The following TRPM1 variants were observed in gnomAD, a reference collection of about 807,000 sequenced individuals.
TRPM1 encodes transient receptor potential cation channel subfamily M member 1, also known as TRPM1-203 APA Isoform, Intron 10.
In TRPM1, 113 loss-of-function variants were observed where a neutral mutation model predicts 149.4. The ratio of observed to expected loss-of-function variants is 0.76; its 90% CI spans 0.65 to 0.88. The LOEUF (loss-of-function observed/expected upper bound fraction) is 0.88. Ranked by LOEUF, TRPM1 falls within the 40% of genes least tolerant of loss-of-function variation. The pLI is 0.00. For missense variants in TRPM1, 1,976 were observed against 2,038.7 expected (o/e 0.97, Z 0.59); for synonymous variants, 741 against 759.5 (o/e 0.98, Z 0.40).
intron 1 of TRPM1, among the ~76,000 whole-genome samples, chr15:31,147,481 G>A (rs950890637): frequency 2.0e-5 from 3 of 152,224 alleles, no homozygotes; most frequent in Admixed American, 6.5e-5. Flanking sequence ...CAAGTGCAAC[G>A]TCATCACACT....
intron 16 of TRPM1, among the ~76,000 whole-genome samples, chr15:31,043,349 C>G (rs368819118): frequency 2.6e-5 from 4 of 152,142 alleles, no homozygotes; most frequent in African/African-American, 7.2e-5. Flanking sequence ...CCCGCCACCA[C>G]GCCCGGCTAA....
chr15:31,078,243 T>A (rs55821493), intron 2 of TRPM1, among the ~76,000 whole-genome samples: 1 of 151,726 alleles, frequency 6.6e-6, no homozygotes, highest in Non-Finnish European at 1.5e-5. Flanking sequence ...CTCTGGGAGG[T>A]CCCTTGTCTC....
chr15:31,101,165 C>A (rs1254682857), intron 1 of TRPM1, among the ~76,000 whole-genome samples: 1 of 152,170 alleles, frequency 6.6e-6, no homozygotes, highest in Admixed American at 6.5e-5. Context: ...GAAGGTGCAC[C>A]TTTTCCCTGA....
chr15:31,032,619 C>A, intron 22 of TRPM1, 70 bp downstream of exon 22: 1 of 1,593,252 alleles, frequency 6.3e-7, no homozygotes, highest in East Asian at 2.2e-5. Context: ...GAAGCCATGC[C>A]CAAGGCCTGT....
chr15:31,090,190 A>G (rs1482802605), intron 1 of TRPM1, among the ~76,000 whole-genome samples: 1 of 152,162 alleles, frequency 6.6e-6, no homozygotes, highest in Non-Finnish European at 1.5e-5. Flanking sequence ...AGGACTTTTT[A>G]AAAGGAAACT....
intron 1 of TRPM1, among the ~76,000 whole-genome samples, chr15:31,130,433 G>A (rs1380723112): frequency 6.6e-6 from 1 of 152,170 alleles, no homozygotes; most frequent in Non-Finnish European, 1.5e-5. Context: ...TTGAAACAAA[G>A]ATGATAACAG....
At chr15:31,059,477 C>T (rs1262122134) in intron 11 of TRPM1, among the ~76,000 whole-genome samples, 2 of 152,330 alleles carry the variant, frequency 1.3e-5, no homozygotes, top group Non-Finnish European at 2.9e-5. Context: ...GCAGTCACAG[C>T]TAACTGTAAC....
chr15:31,062,270 G>A (rs1388601089), intron 9 of TRPM1, among the ~76,000 whole-genome samples: 1 of 152,212 alleles, frequency 6.6e-6, no homozygotes, highest in Admixed American at 6.5e-5. Context: ...AAACATGCCT[G>A]ACAGGGTGGT....
intron 1 of TRPM1, among the ~76,000 whole-genome samples, chr15:31,111,721 A>G (rs1212699412): frequency 6.6e-6 from 1 of 152,192 alleles, no homozygotes; most frequent in Non-Finnish European, 1.5e-5. Flanking sequence ...CCTGGCGCCC[A>G]GGGCGTTATT....
At position 31,066,137 on chromosome 15, in the gene TRPM1, G is replaced by T. The variant is rs188427342; in HGVS notation, c.729C>A (p.Gly243=). 6.2e-7 allele frequency: 1 copy of T among 1,614,186 alleles called. No individual in the cohort carries two copies. Among genetic ancestry groups the T allele is most frequent in the Non-Finnish European group, 8.5e-7 (1 of 1,180,038 alleles). ...LADNGTLGKY[G]AEVKLRRLLE... ...GCAGCCTTCGCAGCTTCACCTCGGC[G>T]CCATACTTGCCCAGGGTGCCATTGT... The change falls in exon 7 of 28, where the codon GGC becomes GGA. Residue 243 remains glycine, a synonymous_variant. Coordinates refer to ENST00000256552, the MANE Select transcript of TRPM1 (RefSeq NM_001252024.2).
At position 31,035,678 on chromosome 15, in the gene TRPM1, A is replaced by G; in HGVS notation, c.2572-4T>C. The G allele has an allele frequency of 6.2e-7, 1 of 1,614,180 alleles. No individual in the cohort carries two copies. The highest frequency in any genetic ancestry group is 2.2e-5 in the East Asian group (1 of 44,878). On this transcript the variant is annotated splice_region_variant and splice_polypyrimidine_tract_variant and intron_variant, in intron 20 of 27. Transcript: ENST00000256552. ...GCAGGTAGCCCAAGTATGATATCTG[A>G]AAGAAAGACAAGCTGTTAGCCGTGT...
chr15:31,077,877 T>C (rs1243912243), intron 2 of TRPM1, among the ~76,000 whole-genome samples: 1 of 151,808 alleles, frequency 6.6e-6, no homozygotes, highest in African/African-American at 2.4e-5. Flanking sequence ...TGTGTGTTTG[T>C]GATGTGTGTG....
chr15:31,045,550 A>C (rs566223936), intron 16 of TRPM1, among the ~76,000 whole-genome samples: 1 of 152,178 alleles, frequency 6.6e-6, no homozygotes. Flanking sequence ...AATAGGTAAG[A>C]ATTATAAAAC....
intron 10 of TRPM1, among the ~76,000 whole-genome samples, chr15:31,061,216 G>A (rs1201628690): frequency 6.6e-6 from 1 of 152,164 alleles, no homozygotes; most frequent in Admixed American, 6.5e-5. Context: ...AAATAGAAAC[G>A]GTTCTGACCT....
At chr15:31,152,547 T>C (rs1315153047) in intron 1 of TRPM1, among the ~76,000 whole-genome samples, 5 of 152,170 alleles carry the variant, frequency 3.3e-5, no homozygotes, top group African/African-American at 1.2e-4. Flanking sequence ...GAAAAACTAG[T>C]TCAGGCCATG....
chr15:31,069,834 T>C, intron 4 of TRPM1, 197 bp downstream of exon 4: 1 of 1,539,912 alleles, frequency 6.5e-7, no homozygotes, highest in Non-Finnish European at 8.7e-7. Flanking sequence ...AGATGTTCTT[T>C]ACAGTGGTGT....
In TRPM1 at chr15:31,040,115, C is replaced by T. The variant is rs749829432; in HGVS notation, c.2316+3G>A. On this transcript the variant is annotated splice_donor_region_variant and intron_variant, in intron 18 of 27. Transcript: ENST00000256552. The surrounding 1 kb of genome is among the most constrained non-coding windows in gnomAD (Gnocchi z 4.2). ...GGCCCGCCTCGCAGCACGTTGCACG[C>T]ACCTTCAGGCCGGGGTTCTTCCGCA... The T allele has an allele frequency of 6.2e-7, 1 of 1,614,176 alleles. No individual in the cohort carries two copies. The highest frequency in any genetic ancestry group is 1.3e-5 in the African/African-American group (1 of 75,080).
intron 3 of TRPM1, among the ~76,000 whole-genome samples, chr15:31,072,018 T>TATAGAGAGAGAGAG (rs1400392427): frequency 2.4e-4 from 9 of 36,906 alleles, no homozygotes; most frequent in African/African-American, 7.8e-4. Context: ...TATATATATA[T>TATAGAGAGAGAGAG]AGAGAGAGAG....
intron 1 of TRPM1, among the ~76,000 whole-genome samples, chr15:31,152,961 G>A (rs572573556): frequency 6.6e-6 from 1 of 152,272 alleles, no homozygotes; most frequent in African/African-American, 2.4e-5. Flanking sequence ...AGATCTCAAG[G>A]CCTTTGTAGC....
Sources: allele counts gnomAD v4.1 joint callset (sites outside exome capture counted in the v4.1 genomes callset), GRCh38; gene constraint gnomAD v4.1.1; non-coding constraint Gnocchi (gnomAD v3.1); transcripts MANE v1.5; gene names NCBI Gene and HGNC (gene_info 2026-07-23, HGNC 2026-07-21).